SLC10A7: variants seen among roughly 807,000 people sequenced by gnomAD.
SLC10A7 encodes solute carrier family 10 member 7.
Under a neutral mutation model 43.2 loss-of-function variants are expected in SLC10A7, and 29 were observed. That is an observed-to-expected ratio of 0.67 (90% CI 0.50 to 0.92). The LOEUF (loss-of-function observed/expected upper bound fraction) is 0.92. SLC10A7 is among the 40% of genes least tolerant of loss of function. SLC10A7 has a pLI of 0.00. For synonymous variants in SLC10A7, 152 were observed against 144.8 expected (o/e 1.05, Z -0.35); for missense variants, 295 against 403.2 (o/e 0.73, Z 2.30).
At chr4:146,423,469 A>C (rs1231498683) in intron 5 of SLC10A7, among the ~76,000 whole-genome samples, 6 of 152,216 alleles carry the variant, frequency 3.9e-5, no homozygotes, top group Non-Finnish European at 7.3e-5. Context: ...ATCACCTGTC[A>C]AACTTTGGAT....
chr4:146,356,001 G>A (rs1735576205), intron 5 of SLC10A7, among the ~76,000 whole-genome samples: 1 of 146,354 alleles, frequency 6.8e-6, no homozygotes, highest in African/African-American at 2.5e-5. Flanking sequence ...TAACTAACCT[G>A]CACAATGTGC....
intron 7 of SLC10A7, among the ~76,000 whole-genome samples, chr4:146,303,539 A>ATT (rs1560779645): frequency 2.6e-5 from 4 of 151,522 alleles, no homozygotes. Context: ...CACCACACCC[A>ATT]GCCAATTTTT....
chr4:146,521,666 G>A lies in SLC10A7; in HGVS notation c.52C>T (p.Leu18=), dbSNP rs1305202205. ...TCCAGTTTAGCTCCAGCGATCGCCA[G>A]CACTATTCCGACCATGAACCAGTCT... The part of the protein sequence containing the change: ...RKDWFMVGIV[L]AIAGAKLEPS... Residue 18 remains leucine, a synonymous_variant, in exon 1 of 12, where the codon CTG becomes TTG. Transcript: ENST00000335472. The A allele has an allele frequency of 1.2e-6, 2 of 1,614,180 alleles. No homozygotes were observed. Among genetic ancestry groups the A allele is most frequent in the East Asian group, 2.2e-5 (1 of 44,878 alleles).
intron 5 of SLC10A7, among the ~76,000 whole-genome samples, chr4:146,333,281 T>C (rs1034916856): frequency 1.3e-5 from 2 of 152,200 alleles, no homozygotes; most frequent in African/African-American, 2.4e-5. Context: ...GATTTTGATT[T>C]GTCACTGACA....
chr4:146,332,188 T>C (rs1733585044), intron 5 of SLC10A7, among the ~76,000 whole-genome samples: 1 of 152,162 alleles, frequency 6.6e-6, no homozygotes, highest in Admixed American at 6.5e-5. Flanking sequence ...TTAGCAGTTA[T>C]GGTCTAGCAG....
At chr4:146,426,217 T>C (rs1303886277) in intron 5 of SLC10A7, among the ~76,000 whole-genome samples, 3 of 152,210 alleles carry the variant, frequency 2.0e-5, no homozygotes, top group East Asian at 1.9e-4. Flanking sequence ...ATGATTCCAA[T>C]AGACAATGAA....
intron 9 of SLC10A7, among the ~76,000 whole-genome samples, chr4:146,284,099 G>A (rs928414705): frequency 6.6e-6 from 1 of 152,030 alleles, no homozygotes; most frequent in Non-Finnish European, 1.5e-5. Context: ...AGCCAAAAAA[G>A]TTAAAAATGT....
intron 5 of SLC10A7, among the ~76,000 whole-genome samples, chr4:146,419,056 T>C (rs1199013357): frequency 6.6e-6 from 1 of 152,206 alleles, no homozygotes; most frequent in Non-Finnish European, 1.5e-5. Context: ...GCACGGAGCT[T>C]CCATGCCCTC....
intron 5 of SLC10A7, among the ~76,000 whole-genome samples, chr4:146,339,321 C>T (rs988511180): frequency 1.3e-5 from 2 of 151,972 alleles, no homozygotes; most frequent in African/African-American, 4.8e-5. Context: ...GCTGTTAGAT[C>T]TAGCTGTGAC....
At chr4:146,386,195 C>A (rs1336476310) in intron 5 of SLC10A7, among the ~76,000 whole-genome samples, 1 of 152,186 alleles carries the variant, frequency 6.6e-6, no homozygotes, top group Non-Finnish European at 1.5e-5. Flanking sequence ...TAGATTCTTA[C>A]CAACAGTGTT....
At position 146,294,063 on chromosome 4, in the gene SLC10A7, C is replaced by G. The variant is rs750367226; in HGVS notation, c.588G>C (p.Glu196Asp). 6.2e-7 allele frequency: 1 copy of G among 1,610,954 alleles called. No individual in the cohort carries two copies. The highest frequency in any genetic ancestry group is 1.7e-5 in the Admixed American group (1 of 59,846). ...TAGCACCAAAAGGAGGCTTCTTTCT[C>G]TCAAGCCAATCCTTGATGTATCTTC... is the stretch of plus-strand genomic sequence containing the variant. ...IVRRYIKDWL[E>D]RKKPPFGAIS... Residue 196 changes from glutamate (E) to aspartate (D), a missense_variant, in exon 8 of 12, where the codon GAG becomes GAC. By Grantham distance (45) the Glu-to-Asp change is conservative. This residue lies in a region of SLC10A7 where 242 missense variants were observed against 362.5 expected (regional missense o/e 0.67). Coordinates refer to ENST00000335472, the MANE Select transcript of SLC10A7 (RefSeq NM_001029998.6).
rs571251453 is a variant in SLC10A7 at position 146,442,256 on chromosome 4, G to T, written c.435+527C>A. On this transcript the variant is annotated intron_variant, in intron 5 of 11. Transcript: ENST00000335472. ...GAATCTTTATATATATATATATATA[G>T]ATACAACATTTACTTGCAAATTACT... 1.2e-4 allele frequency: 94 copies of T among 790,418 alleles called. No homozygotes were observed. The South Asian group carries it at 4.2e-3, about 36-fold the overall frequency. The allele number at this position is 790,418 out of a possible 1,614,324, so 49.0% of individuals were successfully genotyped here. A position where few individuals can be genotyped will look rare whatever the true frequency, so the allele number is the denominator to read the frequency against.
rs971059705 is a variant in SLC10A7 at position 146,509,679 on chromosome 4, G to T, written c.320+234C>A. Among the ~76,000 whole-genome samples, 3 of 152,116 alleles carry T rather than the reference G, an allele frequency of 2.0e-5. No individual in the cohort carries two copies. In the East Asian group the frequency reaches 5.8e-4, roughly 29 times the overall value. On this transcript the variant is annotated intron_variant, in intron 3 of 11. Transcript: ENST00000335472. ...AGACCACTCTAAAATTCTCAGAAAAGTGCTCGTCGTAAAACCACAGGATGA... is the reference window on the plus strand; with the variant it reads ...AGACCACTCTAAAATTCTCAGAAAATTGCTCGTCGTAAAACCACAGGATGA...
chr4:146,298,306 C>A (rs1730921439), intron 7 of SLC10A7, among the ~76,000 whole-genome samples: 1 of 152,170 alleles, frequency 6.6e-6, no homozygotes, highest in African/African-American at 2.4e-5. Context: ...TTTATCAGTA[C>A]ACCTCACTGT....
intron 4 of SLC10A7, among the ~76,000 whole-genome samples, chr4:146,453,832 T>A (rs1731809433): frequency 6.6e-6 from 1 of 151,938 alleles, no homozygotes; most frequent in Non-Finnish European, 1.5e-5. Context: ...TTAACACTTT[T>A]AAAGCCCTGG....
At chr4:146,452,391 A>G (rs1408888846) in intron 4 of SLC10A7, among the ~76,000 whole-genome samples, 2 of 152,116 alleles carry the variant, frequency 1.3e-5, no homozygotes, top group African/African-American at 2.4e-5. Flanking sequence ...ATTCAGTTTT[A>G]AAAACACATG....
intron 4 of SLC10A7, among the ~76,000 whole-genome samples, chr4:146,461,011 T>C (rs1732481903): frequency 6.6e-6 from 1 of 152,012 alleles, no homozygotes; most frequent in South Asian, 2.1e-4. Context: ...TTTCTGTTAC[T>C]ACTTCCTAAC....
chr4:146,434,627 G>A (rs1452104910), intron 5 of SLC10A7, among the ~76,000 whole-genome samples: 3 of 152,098 alleles, frequency 2.0e-5, no homozygotes, highest in Non-Finnish European at 2.9e-5. Flanking sequence ...GCAGTGGCAC[G>A]ATCTCTGCTC....
At chr4:146,488,477 A>G (rs1735101996) in intron 4 of SLC10A7, among the ~76,000 whole-genome samples, 1 of 152,188 alleles carries the variant, frequency 6.6e-6, no homozygotes, top group Non-Finnish European at 1.5e-5. Flanking sequence ...AGATGATTTC[A>G]GATCATCCAA....
Sources: gnomAD v4.1 joint callset for allele counts (sites outside exome capture counted in the v4.1 genomes callset) on GRCh38, gnomAD v4.1.1 for gene constraint, gnomAD v4.1.1 regional missense constraint, MANE v1.5 for transcripts, NCBI Gene and HGNC (gene_info 2026-07-23, HGNC 2026-07-21) for gene names.